Variants in LRRC4B observed in about 807,000 individuals in gnomAD.
The protein encoded by LRRC4B is leucine rich repeat containing 4B.
A neutral mutation model predicts 7.3 loss-of-function variants in LRRC4B; 1 was observed. The observed-to-expected ratio is 0.14, with a 90% CI of 0.05 to 0.65. The LOEUF (loss-of-function observed/expected upper bound fraction) is 0.65. Ranked by LOEUF, LRRC4B falls within the 30% of genes least tolerant of loss-of-function variation. The pLI, the probability that LRRC4B is intolerant of heterozygous loss-of-function variation, is 0.84. For missense variants in LRRC4B, 730 were observed against 1,041.6 expected (o/e 0.70, Z 4.12); for synonymous variants, 500 against 499.2 (o/e 1.00, Z -0.02).
chr19:50,562,746 T>TG (rs886268383), intron 1 of LRRC4B, among the ~76,000 whole-genome samples: 3 of 150,758 alleles, frequency 2.0e-5, no homozygotes, highest in Non-Finnish European at 3.0e-5. Flanking sequence ...TTTTTTGTTT[T>TG]TTTTTTTTTG....
chr19:50,528,808 G>A (rs1348767286), intron 2 of LRRC4B, among the ~76,000 whole-genome samples: 1 of 152,186 alleles, frequency 6.6e-6, no homozygotes, highest in East Asian at 1.9e-4. Context: ...CACAGCCTGA[G>A]GATGGGCTCG....
intron 1 of LRRC4B, among the ~76,000 whole-genome samples, chr19:50,564,405 C>A (rs1982561125): frequency 1.3e-5 from 2 of 151,840 alleles, no homozygotes; most frequent in South Asian, 4.2e-4. Flanking sequence ...GGGAGGCAGA[C>A]AGGCTGGCAG....
At chr19:50,535,137 G>C (rs1981221422) in intron 2 of LRRC4B, among the ~76,000 whole-genome samples, 1 of 151,886 alleles carries the variant, frequency 6.6e-6, no homozygotes, top group African/African-American at 2.4e-5. Context: ...CAAAGTGCTG[G>C]GATTACAGGC....
At chr19:50,534,387 C>T (rs1398224146) in intron 2 of LRRC4B, among the ~76,000 whole-genome samples, 1 of 152,084 alleles carries the variant, frequency 6.6e-6, no homozygotes, top group Non-Finnish European at 1.5e-5. Context: ...GGGATTGGTT[C>T]TTGACGCAGG....
Position 50,553,835 on chromosome 19 carries a change from T to C in LRRC4B, c.-35-4962A>G, listed in dbSNP as rs1471415590. On this transcript the variant is annotated intron_variant, in intron 1 of 2. Coordinates refer to ENST00000652263, the MANE Select transcript of LRRC4B (RefSeq NM_001080457.2). This position sits in a 1 kb window ranked among gnomAD's most constrained non-coding sequence, Gnocchi z 4.2. ...TACGTTATCATCACTGTGAGTCTAT[T>C]TCCCCCCACGCTCACACACAGATAC... Among the ~76,000 whole-genome samples the C allele has an allele frequency of 2.0e-5, 3 of 151,734 alleles. No homozygotes were observed. The highest frequency in any genetic ancestry group is 2.0e-4 in the East Asian group (1 of 5,128).
rs1272485477 is a variant in LRRC4B, at chr19:50,519,239, G to A, written c.474C>T (p.Ser158=). The stretch of plus-strand genomic sequence containing the variant: ...TCCGCAGCCAGAGCTCCCGCAGCTT[G>A]GACAGGTACTCGAAGGCCTGCGTGG... ...TVPTQAFEYL[S]KLRELWLRNN... Residue 158 remains serine (S), a synonymous_variant, in exon 3 of 3, where the codon TCC becomes TCT. Coordinates refer to ENST00000652263, the MANE Select transcript of LRRC4B (RefSeq NM_001080457.2). The surrounding 1 kb of genome is among the most constrained non-coding windows in gnomAD (Gnocchi z 8.1). 5 of 1,614,128 alleles carry A rather than the reference G, an allele frequency of 3.1e-6. No homozygotes were observed. The South Asian group carries it at 5.5e-5, about 18-fold the overall frequency.
At chr19:50,526,450 C>T (rs990061948) in intron 2 of LRRC4B, among the ~76,000 whole-genome samples, 4 of 152,194 alleles carry the variant, frequency 2.6e-5, no homozygotes, top group Middle Eastern at 3.2e-3. Context: ...GCTGGGTTCC[C>T]TGGAGCCCAG....
chr19:50,564,266 T>C (rs906398663), intron 1 of LRRC4B, among the ~76,000 whole-genome samples: 13 of 152,092 alleles, frequency 8.5e-5, no homozygotes, highest in Non-Finnish European at 2.9e-5. Context: ...TAAAAAATGT[T>C]GGCAACAAAT....
Position 50,548,583 on chromosome 19 carries a change from C to T in LRRC4B, c.256G>A (p.Val86Ile). The T allele has an allele frequency of 1.2e-6, 2 of 1,603,056 alleles. No individual in the cohort carries two copies. The highest frequency in any genetic ancestry group is 2.2e-5 in the South Asian group (2 of 90,190). Reference sequence around the variant, plus strand: ...TGCAGGTTCAGGTACCGCGTGTTGACCGGGATGCTGGCTGGGACCTCGGCC... The same window carrying T: ...TGCAGGTTCAGGTACCGCGTGTTGATCGGGATGCTGGCTGGGACCTCGGCC... The part of the protein sequence containing the change: ...DLAEVPASIP[V>I]NTRYLNLQEN... The change falls in exon 2 of 3, where the codon GTC becomes ATC. Residue 86 changes from valine (V) to isoleucine (I), a missense_variant. Physicochemically the swap from Val to Ile is conservative, Grantham distance 29. Transcript: ENST00000652263. This position sits in a 1 kb window ranked among gnomAD's most constrained non-coding sequence, Gnocchi z 6.8.
At chr19:50,547,245 G>A (rs996931859) in intron 2 of LRRC4B, among the ~76,000 whole-genome samples, 1 of 152,192 alleles carries the variant, frequency 6.6e-6, no homozygotes, top group South Asian at 2.1e-4. Context: ...GGAGCGGGGG[G>A]TGGTGATGTG....
intron 2 of LRRC4B, among the ~76,000 whole-genome samples, chr19:50,534,438 C>T (rs554522864): frequency 1.2e-4 from 18 of 152,050 alleles, no homozygotes; most frequent in African/African-American, 2.7e-4. Flanking sequence ...TTTAGCCTGA[C>T]GAAGATGTTG....
chr19:50,559,363 G>A (rs1391057714), intron 1 of LRRC4B, among the ~76,000 whole-genome samples: 3 of 152,172 alleles, frequency 2.0e-5, no homozygotes, highest in Admixed American at 2.0e-4. Context: ...GAACCGAGGA[G>A]GCAGAGGTTG....
chr19:50,565,890 C>T (rs992446597), intron 1 of LRRC4B, among the ~76,000 whole-genome samples: 3 of 152,064 alleles, frequency 2.0e-5, no homozygotes, highest in Non-Finnish European at 2.9e-5. Context: ...CGTGCTGATG[C>T]CCTAATTGCC....
chr19:50,543,318 C>T (rs1981636794), intron 2 of LRRC4B, among the ~76,000 whole-genome samples: 1 of 145,454 alleles, frequency 6.9e-6, no homozygotes, highest in Non-Finnish European at 1.5e-5. Context: ...GCTACCAATG[C>T]TCCAGTGCCA....
intron 2 of LRRC4B, among the ~76,000 whole-genome samples, chr19:50,542,173 TA>T (rs1981578034): frequency 6.6e-6 from 1 of 151,830 alleles, no homozygotes; most frequent in African/African-American, 2.4e-5. Context: ...GATATGAGGA[TA>T]AAAGGGAGGG....
At position 50,553,190 on chromosome 19, in the gene LRRC4B, T is replaced by C. The variant is rs1275829814; in HGVS notation, c.-35-4317A>G. 6.6e-6 allele frequency among the ~76,000 whole-genome samples: 1 copy of C among 152,118 alleles called. No individual in the cohort carries two copies. Among genetic ancestry groups the C allele is most frequent in the Non-Finnish European group, 1.5e-5 (1 of 68,010 alleles). On this transcript the variant is annotated intron_variant, in intron 1 of 2. Coordinates refer to ENST00000652263, the MANE Select transcript of LRRC4B (RefSeq NM_001080457.2). The surrounding 1 kb of genome is among the most constrained non-coding windows in gnomAD (Gnocchi z 4.2). ...GGCTCCCATCTCCCTCTTGAACGAT[T>C]ACAGTGTCCTCCCCTCCAGCCTCCC...
At chr19:50,564,850 G>A (rs913830255) in intron 1 of LRRC4B, among the ~76,000 whole-genome samples, 8 of 144,470 alleles carry the variant, frequency 5.5e-5, no homozygotes, top group Non-Finnish European at 7.6e-5. Context: ...CCAGGGTTCC[G>A]GAAGGGACTG....
rs1980428534 is a variant in LRRC4B at position 50,518,899 on chromosome 19, C to T, written c.814G>A (p.Ala272Thr). The change falls in exon 3 of 3, where the codon GCC (alanine) becomes ACC (threonine). Residue 272 changes from alanine to threonine, a missense_variant. Coordinates refer to ENST00000652263, the MANE Select transcript of LRRC4B (RefSeq NM_001080457.2). ...TCCAGCGACTTGAGGTCGTCGAAGGCGTTGCGCTCGATGGTGGCTACCTGG... is the reference window on the plus strand; with the variant it reads ...TCCAGCGACTTGAGGTCGTCGAAGGTGTTGCGCTCGATGGTGGCTACCTGG... ...HAQVATIERN[A>T]FDDLKSLEEL... The T allele has an allele frequency of 6.2e-7, 1 of 1,614,026 alleles. No individual in the cohort carries two copies. Among genetic ancestry groups the T allele is most frequent in the Non-Finnish European group, 8.5e-7 (1 of 1,179,976 alleles).
chr19:50,557,249 A>T (rs1302064570), intron 1 of LRRC4B, among the ~76,000 whole-genome samples: 1 of 152,156 alleles, frequency 6.6e-6, no homozygotes, highest in Non-Finnish European at 1.5e-5. Flanking sequence ...CAAATTCCAA[A>T]AGCCAGAAGA....
Sources: gnomAD v4.1 joint callset for allele counts (sites outside exome capture counted in the v4.1 genomes callset) on GRCh38, gnomAD v4.1.1 for gene constraint, Gnocchi (gnomAD v3.1) non-coding constraint, MANE v1.5 for transcripts, NCBI Gene and HGNC (gene_info 2026-07-23, HGNC 2026-07-21) for gene names.